Variants in LRRC7 observed in about 807,000 individuals in gnomAD.
LRRC7 encodes leucine-rich repeat-containing protein 7.
In LRRC7, 23 loss-of-function variants were observed where a neutral mutation model predicts 175.7. The ratio of observed to expected loss-of-function variants is 0.13; its 90% CI spans 0.09 to 0.19. The LOEUF is 0.19. Ranked by LOEUF, LRRC7 falls within the 10% of genes least tolerant of loss-of-function variation. The pLI, the probability that LRRC7 is intolerant of heterozygous loss-of-function variation, is 1.00. For synonymous variants in LRRC7, 685 were observed against 680.9 expected, an observed-to-expected ratio of 1.01 and a Z score of -0.09; for missense variants, 1,354 against 1,904.7, an observed-to-expected ratio of 0.71 and a Z score of 5.38.
At chr1:69,737,927 G>A (rs1015040300) in intron 2 of LRRC7, among the ~76,000 whole-genome samples, 33 of 152,174 alleles carry the variant, frequency 2.2e-4, no homozygotes, top group Non-Finnish European at 2.9e-4. Flanking sequence ...TAAGACAGGA[G>A]GCAAAGGGAA....
chr1:69,678,636 T>C (rs1660096243), intron 2 of LRRC7, among the ~76,000 whole-genome samples, 158 bp downstream of exon 2: 1 of 152,192 alleles, frequency 6.6e-6, no homozygotes, highest in Non-Finnish European at 1.5e-5. Context: ...TACCTGAATG[T>C]AAGTGCTTAC....
In LRRC7 at chr1:70,137,631, A is replaced by G. The variant is rs1666922323; in HGVS notation, c.*15744A>G. On this transcript the variant is annotated 3_prime_UTR_variant, in exon 27 of 27. Transcript: ENST00000651989. ...AGAAATGCAACTTGAACAGCCCCTG[A>G]GATAAAATTTTCTAGGAAGTATAAA... is the stretch of plus-strand genomic sequence containing the variant. Among the ~76,000 whole-genome samples, 1 of 152,228 alleles carries G rather than the reference A, an allele frequency of 6.6e-6. No individual in the cohort carries two copies. Among genetic ancestry groups the G allele is most frequent in the African/African-American group, 2.4e-5 (1 of 41,456 alleles).
intron 23 of LRRC7, among the ~76,000 whole-genome samples, chr1:70,067,265 A>C (rs1662049160): frequency 6.6e-6 from 1 of 152,014 alleles, no homozygotes; most frequent in Non-Finnish European, 1.5e-5. Context: ...TTAGCATTTA[A>C]CATTTAAGTC....
intron 7 of LRRC7, among the ~76,000 whole-genome samples, chr1:69,894,827 C>T (rs2101652030): frequency 6.6e-6 from 1 of 152,244 alleles, no homozygotes; most frequent in African/African-American, 2.4e-5. Flanking sequence ...ATGATGGTTA[C>T]CAGAAGATGT....
rs2102249862 is a variant in LRRC7 at position 70,123,481 on chromosome 1, T to A, written c.*1594T>A. 1 of 152,268 alleles carries A rather than the reference T, an allele frequency of 6.6e-6. No individual in the cohort carries two copies. The highest frequency in any genetic ancestry group is 2.4e-5 in the African/African-American group (1 of 41,550). 9.4% of individuals were successfully genotyped at this position (152,268 alleles called of 1,614,324 possible). On this transcript the variant is annotated 3_prime_UTR_variant, in exon 27 of 27. Transcript: ENST00000651989. The stretch of plus-strand genomic sequence containing the variant: ...AGGGTCTATTAAAATGAGTGTCACT[T>A]ATTAGAAGTACAGTGGTATTTTTTG...
At chr1:69,886,423 G>A (rs1687205051) in intron 7 of LRRC7, among the ~76,000 whole-genome samples, 1 of 151,486 alleles carries the variant, frequency 6.6e-6, no homozygotes, top group Non-Finnish European at 1.5e-5. Context: ...TGTTTTATCA[G>A]AGACTAGGAT....
At chr1:69,829,234 T>A (rs1680269480) in intron 5 of LRRC7, among the ~76,000 whole-genome samples, 1 of 151,918 alleles carries the variant, frequency 6.6e-6, no homozygotes, top group Non-Finnish European at 1.5e-5. Context: ...TGAAAATAAT[T>A]TGAAGACCTG....
chr1:69,842,493 T>G (rs1681836516), intron 7 of LRRC7, among the ~76,000 whole-genome samples: 2 of 152,164 alleles, frequency 1.3e-5, no homozygotes, highest in African/African-American at 4.8e-5. Flanking sequence ...TGTCTCCTGA[T>G]GCACAAGGCA....
At chr1:69,637,137 G>A (rs1207694902) in intron 1 of LRRC7, among the ~76,000 whole-genome samples, 2 of 150,334 alleles carry the variant, frequency 1.3e-5, no homozygotes, top group Non-Finnish European at 3.0e-5. Context: ...TTTATATAAG[G>A]TGGGTTAACT....
At chr1:70,097,043 T>C (rs1664456574) in intron 25 of LRRC7, among the ~76,000 whole-genome samples, 1 of 152,252 alleles carries the variant, frequency 6.6e-6, no homozygotes, top group African/African-American at 2.4e-5. Context: ...CCTTTTTCTT[T>C]AACCTATGCC....
chr1:69,602,045 A>T (rs989241690), intron 1 of LRRC7, among the ~76,000 whole-genome samples: 1 of 152,180 alleles, frequency 6.6e-6, no homozygotes, highest in Non-Finnish European at 1.5e-5. Flanking sequence ...GTTCAACGAG[A>T]ATCTTAAGAA....
At chr1:70,047,682 A>T (rs1472231544) in intron 22 of LRRC7, among the ~76,000 whole-genome samples, 4 of 152,056 alleles carry the variant, frequency 2.6e-5, no homozygotes, top group Non-Finnish European at 4.4e-5. Context: ...ATTACATGTC[A>T]GATCAAGTAT....
At chr1:69,699,899 A>G (rs1663122261) in intron 2 of LRRC7, among the ~76,000 whole-genome samples, 1 of 152,176 alleles carries the variant, frequency 6.6e-6, no homozygotes, top group African/African-American at 2.4e-5. Flanking sequence ...TTATGTTTTC[A>G]ACTGCAGGGA....
chr1:69,790,905 A>G (rs887113784), intron 3 of LRRC7, among the ~76,000 whole-genome samples: 1 of 152,048 alleles, frequency 6.6e-6, no homozygotes, highest in Non-Finnish European at 1.5e-5. Flanking sequence ...AAGAAACTGC[A>G]TATTTCATAT....
At chr1:69,616,816 G>C (rs1428589924) in intron 1 of LRRC7, among the ~76,000 whole-genome samples, 2 of 152,056 alleles carry the variant, frequency 1.3e-5, no homozygotes, top group Admixed American at 1.3e-4. Flanking sequence ...ATAGGCTACT[G>C]TAAGGACGAT....
At chr1:69,707,718 G>C (rs1664223120) in intron 2 of LRRC7, among the ~76,000 whole-genome samples, 1 of 152,086 alleles carries the variant, frequency 6.6e-6, no homozygotes, top group Admixed American at 6.6e-5. Context: ...AAATGTTTTA[G>C]AAAGTCATCT....
intron 2 of LRRC7, among the ~76,000 whole-genome samples, chr1:69,755,216 T>A (rs903093206): frequency 6.6e-6 from 1 of 151,846 alleles, no homozygotes; most frequent in Admixed American, 6.6e-5. Flanking sequence ...GAAATTAACC[T>A]CTTGCTTTCC....
rs543553415 is a variant in LRRC7 at position 69,919,757 on chromosome 1, C to T, written c.648-11750C>T. 3 of 968,926 alleles carry T rather than the reference C, an allele frequency of 3.1e-6. No individual in the cohort carries two copies. The South Asian group carries it at 4.2e-5, about 14-fold the overall frequency. The allele number at this position is 968,926 out of a possible 1,614,324, so 60.0% of individuals were successfully genotyped here. On this transcript the variant is annotated intron_variant, in intron 7 of 26. Transcript: ENST00000651989. The stretch of plus-strand genomic sequence containing the variant: ...TCAGATGCAGAAGCCATTTGAAGAC[C>T]CCTGGTTTGCGCGGCGGACGGGGGA...
chr1:70,109,019 T>G (rs1430904728), intron 26 of LRRC7, among the ~76,000 whole-genome samples: 1 of 116,500 alleles, frequency 8.6e-6, no homozygotes, highest in Non-Finnish European at 1.7e-5. Flanking sequence ...TTGTTTTGTT[T>G]TTGTTTTTGT....
Sources: gnomAD v4.1 joint callset for allele counts (sites outside exome capture counted in the v4.1 genomes callset) on GRCh38, gnomAD v4.1.1 for gene constraint, MANE v1.5 for transcripts, NCBI Gene and HGNC (gene_info 2026-07-23, HGNC 2026-07-21) for gene names.